The following SLC17A1 variants were observed in gnomAD, a reference collection of about 807,000 sequenced individuals.
The protein encoded by SLC17A1 is solute carrier family 17 member 1, also known as sodium-dependent phosphate transport protein 1.
A neutral mutation model predicts 53.5 loss-of-function variants in SLC17A1; 51 were observed. The ratio of observed to expected loss-of-function variants is 0.95; its 90% CI spans 0.76 to 1.20. The LOEUF (loss-of-function observed/expected upper bound fraction) is 1.20, where lower values mean the gene tolerates loss of function less well. Among genes scored for constraint, SLC17A1 ranks in the 50% most tolerant of loss-of-function variants. The probability of loss-of-function intolerance (pLI) is 0.00; values close to 1 mark genes in which losing one functional copy is unlikely to be tolerated. For synonymous variants in SLC17A1, 179 were observed against 198.8 expected (o/e 0.90, Z 0.84); for missense variants, 538 against 568.2 (o/e 0.95, Z 0.54).
intron 6 of SLC17A1, among the ~76,000 whole-genome samples, chr6:25,816,941 G>T (rs1291554713): frequency 1.3e-5 from 2 of 150,524 alleles, no homozygotes; most frequent in African/African-American, 4.9e-5. Context: ...TCTGCCTCCC[G>T]GATTCAAGTG....
chr6:25,735,551 C>T, the SLC17A1 span, among the ~76,000 whole-genome samples: 1 of 151,906 alleles, frequency 6.6e-6, no homozygotes, highest in Non-Finnish European at 1.5e-5. Flanking sequence ...TACAGTAGAG[C>T]TAAAAGTTTT....
chr6:25,747,565 G>A, the SLC17A1 span, among the ~76,000 whole-genome samples: 85 of 152,332 alleles, frequency 5.6e-4, no homozygotes, highest in Middle Eastern at 3.4e-3. Flanking sequence ...TGGACTGAAT[G>A]TTTGAGTCTC....
chr6:25,819,474 A>G, intron 5 of SLC17A1, 37 bp downstream of exon 5: 1 of 1,478,282 alleles, frequency 6.8e-7, no homozygotes, highest in Non-Finnish European at 9.5e-7. Flanking sequence ...AATGAGATGA[A>G]GATAGGATTC....
intron 3 of SLC17A1, among the ~76,000 whole-genome samples, chr6:25,822,135 C>T (rs1185976): frequency 0.39 from 59,333 of 151,980 alleles, 12,630 homozygotes; most frequent in East Asian, 0.7. Flanking sequence ...CAGAATATTC[C>T]TCATCTACCT....
At chr6:25,724,219 TTGGA>T in the SLC17A1 span, among the ~76,000 whole-genome samples, 1 of 151,922 alleles carries the variant, frequency 6.6e-6, no homozygotes, top group Non-Finnish European at 1.5e-5. Context: ...AGGTCAGGAG[TTGGA>T]GACCAGCCTG....
chr6:25,799,975 C>T (rs1763706169), intron 11 of SLC17A1, among the ~76,000 whole-genome samples: 1 of 152,166 alleles, frequency 6.6e-6, no homozygotes, highest in Non-Finnish European at 1.5e-5. Context: ...GAAGACTCCT[C>T]TTTATGGGAA....
chr6:25,813,343 GACTTGTGTTTTTCAGTCC>G, intron 6 of SLC17A1, 130 bp from the exon 7 acceptor site: 4 of 740,184 alleles, frequency 5.4e-6, no homozygotes, highest in Non-Finnish European at 9.2e-6. Context: ...TTTTCAACAA[GACTTGTGTTTTTCAGTCC>G]TCCTTTTATC....
chr6:25,768,871 C>A, the SLC17A1 span: 1 of 964,550 alleles, frequency 1.0e-6, no homozygotes, highest in Non-Finnish European at 1.6e-6. Flanking sequence ...GGAATGTCTG[C>A]TCTCCCTATA....
At chr6:25,778,957 C>T (rs1039406269), downstream of SLC17A1, 18 of 1,500,684 alleles carry the variant, frequency 1.2e-5, no homozygotes, top group African/African-American at 8.3e-5. Context: ...GAGTGGAGGT[C>T]GGGGAGGGAG....
intron 12 of SLC17A1, chr6:25,798,531 G>A: frequency 3.0e-6 from 1 of 334,858 alleles, no homozygotes; most frequent in Non-Finnish European, 5.4e-6. Context: ...AGTCTTTTTT[G>A]CAAACTTCTC....
chr6:25,814,700 T>C (rs541955093), intron 6 of SLC17A1, among the ~76,000 whole-genome samples: 3 of 152,170 alleles, frequency 2.0e-5, no homozygotes, highest in African/African-American at 7.2e-5. Flanking sequence ...AAAGACAGAA[T>C]GGGCTGGGCA....
intron 3 of SLC17A1, 145 bp downstream of exon 3, chr6:25,826,316 A>G (rs1173144167): frequency 1.9e-6 from 1 of 518,434 alleles, no homozygotes; most frequent in African/African-American, 2.0e-5. Flanking sequence ...GGGACATTTT[A>G]TTTAGGTCAC....
chr6:25,816,434 T>G (rs566092978), intron 6 of SLC17A1, among the ~76,000 whole-genome samples: 1 of 152,368 alleles, frequency 6.6e-6, no homozygotes, highest in East Asian at 1.9e-4. Flanking sequence ...AGCAAGACAT[T>G]CCAGGCATGA....
At chr6:25,808,640 G>A (rs1049781843) in intron 10 of SLC17A1, among the ~76,000 whole-genome samples, 1 of 151,666 alleles carries the variant, frequency 6.6e-6, no homozygotes, top group East Asian at 1.9e-4. Context: ...TGGACAATAA[G>A]CATATGAAAA....
chr6:25,774,744 G>C, the SLC17A1 span, among the ~76,000 whole-genome samples: 1 of 152,210 alleles, frequency 6.6e-6, no homozygotes, highest in Non-Finnish European at 1.5e-5. Flanking sequence ...ATGGGAAAAT[G>C]AATGGAAAGA....
At chr6:25,756,705 G>C in the SLC17A1 span, among the ~76,000 whole-genome samples, 1 of 152,150 alleles carries the variant, frequency 6.6e-6, no homozygotes, top group East Asian at 1.9e-4. Context: ...AAAGGAGAGG[G>C]CAATTTAATG....
At chr6:25,770,115 TC>T in the SLC17A1 span, 1 of 1,614,080 alleles carries the variant, frequency 6.2e-7, no homozygotes, top group Admixed American at 1.7e-5. Context: ...CATCCTCAGC[TC>T]CCTCAACTAT....
chr6:25,808,372 A>T (rs186837383), intron 10 of SLC17A1, among the ~76,000 whole-genome samples: 1,855 of 151,788 alleles, frequency 0.012, 22 homozygotes, highest in South Asian at 0.034. Context: ...GGCAAGGGAT[A>T]AAAAAAACCA....
intron 12 of SLC17A1, among the ~76,000 whole-genome samples, chr6:25,796,404 G>A (rs1763603574): frequency 6.6e-6 from 1 of 151,806 alleles, no homozygotes; most frequent in Non-Finnish European, 1.5e-5. Context: ...ATACTAGATC[G>A]ATTTAATACC....
Sources: allele counts gnomAD v4.1 joint callset (sites outside exome capture counted in the v4.1 genomes callset), GRCh38; gene constraint gnomAD v4.1.1; transcripts MANE v1.5; gene names NCBI Gene and HGNC (gene_info 2026-07-23, HGNC 2026-07-21).